ABCA13: variants seen among roughly 807,000 people sequenced by gnomAD.
ABCA13 encodes ATP-binding cassette sub-family A member 13.
ABCA13 carries 476 observed loss-of-function variants against 478.7 expected under a neutral mutation model. The observed-to-expected ratio is 0.99, with a 90% CI of 0.92 to 1.07. ABCA13 has a LOEUF of 1.07. ABCA13 is among the 50% of genes least tolerant of loss of function. The pLI is 0.00. For missense variants in ABCA13, 6,060 were observed against 5,910.6 expected, an observed-to-expected ratio of 1.03 and a Z score of -0.83; for synonymous variants, 2,252 against 2,158.9, an observed-to-expected ratio of 1.04 and a Z score of -1.20.
intron 2 of ABCA13, among the ~76,000 whole-genome samples, chr7:48,193,702 A>C (rs569921724): frequency 1.5e-5 from 2 of 135,890 alleles, no homozygotes; most frequent in South Asian, 5.2e-4. Flanking sequence ...GATGGTGATA[A>C]TAATAGAGAT....
chr7:48,457,751 A>G (rs757464926), intron 43 of ABCA13, among the ~76,000 whole-genome samples: 3 of 152,192 alleles, frequency 2.0e-5, no homozygotes, highest in African/African-American at 4.8e-5. Flanking sequence ...TACCTGTTCC[A>G]TCAGTGATTG....
At chr7:48,268,934 G>C in intron 15 of ABCA13, 46 bp from the exon 16 acceptor site, 1 of 853,048 alleles carries the variant, frequency 1.2e-6, no homozygotes. Context: ...AGATTTGTCT[G>C]TTATAACCAG....
At chr7:48,334,615 G>A (rs1805947563) in intron 27 of ABCA13, among the ~76,000 whole-genome samples, 1 of 152,154 alleles carries the variant, frequency 6.6e-6, no homozygotes, top group Admixed American at 6.5e-5. Flanking sequence ...GATTACAGGC[G>A]TGAGCCAGCA....
chr7:48,198,771 G>T (rs1312517106), intron 3 of ABCA13, among the ~76,000 whole-genome samples: 1 of 152,192 alleles, frequency 6.6e-6, no homozygotes, highest in Non-Finnish European at 1.5e-5. Flanking sequence ...CTTGTCGCCA[G>T]CTGAGGGAAA....
intron 55 of ABCA13, among the ~76,000 whole-genome samples, chr7:48,548,575 T>C (rs1483702299): frequency 6.6e-6 from 1 of 151,096 alleles, no homozygotes; most frequent in Non-Finnish European, 1.5e-5. Context: ...CCACAGATTG[T>C]TAAACGTCAA....
At chr7:48,309,129 T>G in intron 23 of ABCA13, among the ~76,000 whole-genome samples, 1 of 151,516 alleles carries the variant, frequency 6.6e-6, no homozygotes, top group East Asian at 1.9e-4. Context: ...TCTTACTGTA[T>G]TTTGGGAACA....
In ABCA13 at chr7:48,274,789, T is replaced by G. The variant is rs1487301180; in HGVS notation, c.5123T>G (p.Leu1708Trp). Residue 1708 changes from leucine (L) to tryptophan (W), a missense_variant, in exon 17 of 62, where the codon TTG becomes TGG. This residue lies in a region of ABCA13 where 4,423 missense variants were observed against 4,309.1 expected (regional missense o/e 1.03). Coordinates refer to ENST00000435803, the MANE Select transcript of ABCA13 (RefSeq NM_152701.5). ...SVGTGNLVVN[L>W]LVGLMEKFAD... ...GGAACTGGCAATTTAGTGGTCAATT[T>G]GCTTGTTGGCTTGATGGAAAAATTT... 6.2e-7 allele frequency: 1 copy of G among 1,613,876 alleles called. No individual in the cohort carries two copies. Among genetic ancestry groups the G allele is most frequent in the East Asian group, 2.2e-5 (1 of 44,888 alleles).
chr7:48,531,864 G>C (rs1833262356), intron 55 of ABCA13, among the ~76,000 whole-genome samples: 1 of 150,594 alleles, frequency 6.6e-6, no homozygotes, highest in South Asian at 2.1e-4. Flanking sequence ...CTGAAACCTT[G>C]CTGAATTTAT....
chr7:48,231,873 G>C (rs935893364), intron 7 of ABCA13, among the ~76,000 whole-genome samples: 4 of 152,142 alleles, frequency 2.6e-5, no homozygotes, highest in African/African-American at 9.6e-5. Context: ...TGTTGGCCAG[G>C]CTGGTCTCAA....
rs1379917157 is a variant in ABCA13 at position 48,376,454 on chromosome 7, T to C, written c.11217T>C (p.Asn3739=). Residue 3739 remains asparagine (N), a synonymous_variant, in exon 35 of 62, where the codon AAT becomes AAC. Coordinates refer to ENST00000435803, the MANE Select transcript of ABCA13 (RefSeq NM_152701.5). ...TCTTCCTGCTAGGGATTCAATGGAA[T>C]AATATGTACCAGGCTCTGGAACAAG... ...LEGQETGIQW[N]NMYQALEQGG... 6.2e-7 allele frequency: 1 copy of C among 1,613,632 alleles called. No individual in the cohort carries two copies. Among genetic ancestry groups the C allele is most frequent in the Non-Finnish European group, 8.5e-7 (1 of 1,179,736 alleles).
chr7:48,242,006 A>G (rs1412269940), intron 10 of ABCA13, among the ~76,000 whole-genome samples: 1 of 152,226 alleles, frequency 6.6e-6, no homozygotes, highest in Non-Finnish European at 1.5e-5. Context: ...GCAGGGAGCC[A>G]GCAAGGATGC....
At chr7:48,535,832 G>C (rs1023040080) in intron 55 of ABCA13, among the ~76,000 whole-genome samples, 5 of 152,134 alleles carry the variant, frequency 3.3e-5, no homozygotes, top group Non-Finnish European at 7.4e-5. Flanking sequence ...CATACAGCCT[G>C]CAGTCCTAAA....
Position 48,602,542 on chromosome 7 carries a change from G to C in ABCA13, c.14744+7729G>C, listed in dbSNP as rs1414020881. ...AAAGATCAGATGGTTGTAGATGTGT[G>C]GTGTTATTTCTGAGGCCTCTGTTCT... On this transcript the variant is annotated intron_variant, in intron 58 of 61. Coordinates refer to ENST00000435803, the MANE Select transcript of ABCA13 (RefSeq NM_152701.5). Among the ~76,000 whole-genome samples the C allele has an allele frequency of 2.6e-5, 4 of 152,052 alleles. No individual in the cohort carries two copies. The East Asian group carries it at 7.7e-4, about 29-fold the overall frequency.
At chr7:48,613,898 T>C (rs1424313106) in intron 58 of ABCA13, among the ~76,000 whole-genome samples, 2 of 148,182 alleles carry the variant, frequency 1.3e-5, no homozygotes, top group Non-Finnish European at 3.0e-5. Context: ...TTTTGTAACA[T>C]ATTTCAAATT....
At chr7:48,620,302 G>A (rs1201055450) in intron 59 of ABCA13, among the ~76,000 whole-genome samples, 1 of 152,176 alleles carries the variant, frequency 6.6e-6, no homozygotes, top group Non-Finnish European at 1.5e-5. Flanking sequence ...ACCAGTCAAA[G>A]CAAAGTTTAG....
chr7:48,563,159 G>A (rs117885336), intron 55 of ABCA13, among the ~76,000 whole-genome samples: 1 of 152,136 alleles, frequency 6.6e-6, no homozygotes, highest in South Asian at 2.1e-4. Flanking sequence ...TCACTGAAAG[G>A]TATAGTTTTC....
intron 55 of ABCA13, among the ~76,000 whole-genome samples, chr7:48,542,463 A>G (rs1834004166): frequency 6.6e-6 from 1 of 151,778 alleles, no homozygotes; most frequent in Non-Finnish European, 1.5e-5. Context: ...GCTAATTATT[A>G]TCTTTTGTGT....
intron 48 of ABCA13, among the ~76,000 whole-genome samples, chr7:48,492,781 T>C (rs993713151): frequency 1.3e-4 from 20 of 152,078 alleles, no homozygotes; most frequent in African/African-American, 4.6e-4. Flanking sequence ...ACCCCAGAAC[T>C]TTGGGAGGCT....
chr7:48,489,129 G>A (rs1585559853), intron 47 of ABCA13, 107 bp from the exon 48 acceptor site: 6 of 856,216 alleles, frequency 7.0e-6, no homozygotes, highest in East Asian at 2.7e-5. Context: ...GCACTCAGGT[G>A]CCTTGGAAGT....
Sources: allele counts gnomAD v4.1 joint callset (sites outside exome capture counted in the v4.1 genomes callset), GRCh38; gene constraint gnomAD v4.1.1; regional missense constraint gnomAD v4.1.1; transcripts MANE v1.5; gene names NCBI Gene and HGNC (gene_info 2026-07-23, HGNC 2026-07-21).